Variants in SYNE1 observed in about 807,000 individuals in gnomAD.
The protein encoded by SYNE1 is spectrin repeat containing nuclear envelope protein 1.
SYNE1 carries 616 observed loss-of-function variants against 1,111.0 expected under a neutral mutation model. The observed-to-expected ratio is 0.55, with a 90% CI of 0.52 to 0.59. SYNE1 has a LOEUF of 0.59. SYNE1 is among the 20% of genes least tolerant of loss of function. SYNE1 has a pLI of 0.00. For missense variants in SYNE1, 10,006 were observed against 10,417.0 expected (o/e 0.96, Z 1.72); for synonymous variants, 3,855 against 3,825.8 (o/e 1.01, Z -0.28).
intron 3 of SYNE1, chr6:152,547,044 G>C (rs2099317087): frequency 6.6e-6 from 1 of 152,238 alleles, no homozygotes; most frequent in South Asian, 2.1e-4. Context: ...CCTGATACAT[G>C]AGTGAGCCGC....
At chr6:152,404,116 TACACAC>T (rs1554635551) in intron 46 of SYNE1, 91 bp downstream of exon 46, 15 of 616,540 alleles carry the variant, frequency 2.4e-5, no homozygotes, top group Non-Finnish European at 3.8e-5. Context: ...TATATATATA[TACACAC>T]ACACACACAC....
At chr6:152,158,352 G>C (rs950429247) in intron 131 of SYNE1, among the ~76,000 whole-genome samples, 2 of 151,580 alleles carry the variant, frequency 1.3e-5, no homozygotes, top group African/African-American at 4.9e-5. Context: ...TTTTTCTCTT[G>C]CTCTAAAAAT....
At position 152,255,076 on chromosome 6, in the gene SYNE1, T is replaced by A. The variant is rs1370829350; in HGVS notation, c.19274A>T (p.Asp6425Val). ...CATTTCTTCAGACATTTCCTTAATG[T>A]CTTTGGCAAGAATCTAGAGGTGATA... ...CLFNQEILAKDIKEMSEEMDK... is the reference protein window; with the variant it reads ...CLFNQEILAKVIKEMSEEMDK... Residue 6425 changes from aspartate (D) to valine (V), a missense_variant, in exon 104 of 146, where the codon GAC becomes GTC. By Grantham distance (152) the Asp-to-Val change is radical. Coordinates refer to ENST00000367255, the MANE Select transcript of SYNE1 (RefSeq NM_182961.4). 5.6e-6 allele frequency: 9 copies of A among 1,597,988 alleles called. No homozygotes were observed. Among genetic ancestry groups the A allele is most frequent in the Middle Eastern group, 1.7e-4 (1 of 6,038 alleles).
At chr6:152,239,770 G>C in intron 107 of SYNE1, 64 bp from the exon 108 acceptor site, 5 of 1,596,086 alleles carry the variant, frequency 3.1e-6, no homozygotes, top group Non-Finnish European at 3.4e-6. Flanking sequence ...AATCAAAATT[G>C]GTTTAGGGCC....
chr6:152,513,185 G>A (rs1312299216), intron 6 of SYNE1, among the ~76,000 whole-genome samples: 2 of 152,196 alleles, frequency 1.3e-5, no homozygotes, highest in Non-Finnish European at 2.9e-5. Context: ...ATCTGGAGAA[G>A]TCTGAGTTAT....
intron 14 of SYNE1, chr6:152,480,927 C>A: frequency 2.5e-6 from 1 of 397,948 alleles, no homozygotes; most frequent in South Asian, 1.9e-5. Context: ...AGAGATTGTT[C>A]TAGCTGTATT....
At chr6:152,608,231 G>T (rs9479361) in intron 3 of SYNE1, among the ~76,000 whole-genome samples, 1 of 152,132 alleles carries the variant, frequency 6.6e-6, no homozygotes, top group South Asian at 2.1e-4. Context: ...TTGCTTGCTT[G>T]CTCTCTCTCT....
chr6:152,455,746 T>C, intron 23 of SYNE1, 140 bp downstream of exon 23: 1 of 1,388,300 alleles, frequency 7.2e-7, no homozygotes, highest in South Asian at 1.2e-5. Context: ...TAATATTAGG[T>C]AAAAAAGTAG....
chr6:152,218,883 C>A, intron 120 of SYNE1, 120 bp downstream of exon 120: 4 of 1,068,414 alleles, frequency 3.7e-6, no homozygotes, highest in Admixed American at 1.8e-5. Context: ...TGTTTACTTG[C>A]TATTTTCTTG....
chr6:152,203,122 A>G (rs1437127394), intron 126 of SYNE1, among the ~76,000 whole-genome samples: 2 of 152,258 alleles, frequency 1.3e-5, no homozygotes, highest in Non-Finnish European at 2.9e-5. Flanking sequence ...GCAAACTGGT[A>G]ACAATGGTTA....
Position 152,239,541 on chromosome 6 carries a change from T to G in SYNE1, c.20059A>C (p.Ile6687Leu). The change falls in exon 108 of 146, where the codon ATT becomes CTT. Residue 6687 changes from isoleucine (I) to leucine (L), a missense_variant. Around this residue, in one of 7 missense-constraint regions of SYNE1, gnomAD observed 2,182 missense variants for 2,287.8 expected, o/e 0.95. Transcript: ENST00000367255. ...GACATCAATGGTCTCACCTCTAGAA[T>G]GTACTCCAGCTCCACACCCCTCTTG... ...AHKRGVELEY[I>L]LETWSHLDED... The G allele has an allele frequency of 6.2e-7, 1 of 1,614,168 alleles. No homozygotes were observed. Among genetic ancestry groups the G allele is most frequent in the Middle Eastern group, 1.6e-4 (1 of 6,062 alleles).
Position 152,326,376 on chromosome 6 carries a change from T to C in SYNE1, c.15213A>G (p.Leu5071=). 6.2e-7 allele frequency: 1 copy of C among 1,614,214 alleles called. No individual in the cohort carries two copies. The highest frequency in any genetic ancestry group is 8.5e-7 in the Non-Finnish European group (1 of 1,180,034). ...PLIKPTGKED[L]EQKVASLELR... ...GTTCCAGAGAAGCCACTTTCTGTTC[T>C]AGGTCTTCTTTGCCGGTTGGCTTGA... Residue 5071 remains leucine (L), a synonymous_variant, in exon 79 of 146, where the codon CTA becomes CTG. Coordinates refer to ENST00000367255, the MANE Select transcript of SYNE1 (RefSeq NM_182961.4).
intron 73 of SYNE1, among the ~76,000 whole-genome samples, chr6:152,346,684 C>T (rs568225814): frequency 4.6e-5 from 7 of 152,062 alleles, no homozygotes; most frequent in Non-Finnish European, 7.4e-5. Flanking sequence ...GTGGCGGGCG[C>T]CTGTAGTCCC....
Position 152,218,204 on chromosome 6 carries a change from A to T in SYNE1, c.22191+53T>A, listed in dbSNP as rs368363128. 1,283 of 1,601,668 alleles carry T rather than the reference A, an allele frequency of 8.0e-4. 5 individuals are homozygous for T. The African/African-American group carries it at 0.015, about 19-fold the overall frequency. On this transcript the variant is annotated intron_variant, in intron 121 of 145. Transcript: ENST00000367255. ...GAGACTCCATCTCAAAAAAAAAAAG[A>T]TTTTTGAAGACAGATGGTAAAAGAT...
intron 104 of SYNE1, 61 bp downstream of exon 104, chr6:152,254,819 G>T: frequency 6.9e-7 from 1 of 1,455,868 alleles, no homozygotes; most frequent in South Asian, 1.2e-5. Flanking sequence ...ACAGACTCGT[G>T]ACTGACTATT....
rs1018997993 is a variant in SYNE1 at position 152,390,508 on chromosome 6, T to A, written c.8005-56A>T. 5 of 1,569,916 alleles carry A rather than the reference T, an allele frequency of 3.2e-6. No individual in the cohort carries two copies. In the African/African-American group the frequency reaches 4.1e-5, roughly 13 times the overall value. On this transcript the variant is annotated intron_variant, in intron 52 of 145. Transcript: ENST00000367255. ...GGCATGTAAAAACCTTCTTCTATTT[T>A]AAAAAAATGGTAGTTTTCCATAAGA...
rs780529437 is a variant in SYNE1, at chr6:152,381,187, C to A, written c.8828G>T (p.Cys2943Phe). 6.2e-7 allele frequency: 1 copy of A among 1,614,250 alleles called. No individual in the cohort carries two copies. Among genetic ancestry groups the A allele is most frequent in the South Asian group, 1.1e-5 (1 of 91,088 alleles). The change falls in exon 56 of 146, where the codon TGT becomes TTT. Residue 2943 changes from cysteine to phenylalanine, a missense_variant. Physicochemically the swap from Cys to Phe is radical, Grantham distance 205. Around this residue, in one of 7 missense-constraint regions of SYNE1, gnomAD observed 4,955 missense variants for 5,017.2 expected, o/e 0.99. Transcript: ENST00000367255. The stretch of plus-strand genomic sequence containing the variant: ...CATCTGGCTGACCAGGTTCTCCAAA[C>A]AGCTCTGCGTTTGGAATACACTGTC... ...WEDSVFQTQS[C>F]LENLVSQMAL...
chr6:152,367,439 G>T, intron 61 of SYNE1, 57 bp from the exon 62 acceptor site: 1 of 1,599,198 alleles, frequency 6.3e-7, no homozygotes, highest in Non-Finnish European at 8.5e-7. Flanking sequence ...AAACTGCAAA[G>T]CTAACAGTTT....
chr6:152,608,606 G>C (rs551745159), intron 3 of SYNE1, among the ~76,000 whole-genome samples: 1 of 152,098 alleles, frequency 6.6e-6, no homozygotes, highest in African/African-American at 2.4e-5. Context: ...CTTTGTACCC[G>C]TCAATCTTTA....
Sources: allele counts gnomAD v4.1 joint callset (sites outside exome capture counted in the v4.1 genomes callset), GRCh38; gene constraint gnomAD v4.1.1; regional missense constraint gnomAD v4.1.1; transcripts MANE v1.5; gene names NCBI Gene and HGNC (gene_info 2026-07-23, HGNC 2026-07-21).